ANKRD31: variants seen among roughly 807,000 people sequenced by gnomAD.
ANKRD31 encodes the protein ankyrin repeat domain-containing protein 31.
In ANKRD31, 147 loss-of-function variants were observed where a neutral mutation model predicts 186.0. The ratio of observed to expected loss-of-function variants is 0.79; its 90% CI spans 0.69 to 0.91. The LOEUF (loss-of-function observed/expected upper bound fraction) is 0.91. ANKRD31 is among the 40% of genes least tolerant of loss of function. The probability of loss-of-function intolerance (pLI) is 0.00; values close to 1 mark genes in which losing one functional copy is unlikely to be tolerated. For missense variants in ANKRD31, 1,986 were observed against 2,148.8 expected (o/e 0.92, Z 1.50); for synonymous variants, 673 against 736.4 (o/e 0.91, Z 1.39).
rs560919728 is a variant in ANKRD31, at chr5:75,091,988, T to C, written c.5332-587A>G. 2.0e-5 allele frequency among the ~76,000 whole-genome samples: 3 copies of C among 152,224 alleles called. No individual in the cohort carries two copies. The East Asian group carries it at 5.8e-4, about 29-fold the overall frequency. On this transcript the variant is annotated intron_variant, in intron 22 of 25. Coordinates refer to ENST00000506364, the MANE Select transcript of ANKRD31 (RefSeq NM_001372053.1). ...GCAAACGGAAAACACATGAAGCTAC[T>C]GCCTCCCCTCCACCGAATGCTCAGC... is the stretch of plus-strand genomic sequence containing the variant.
At chr5:75,179,414 T>C (rs1019265445) in intron 10 of ANKRD31, among the ~76,000 whole-genome samples, 2 of 152,164 alleles carry the variant, frequency 1.3e-5, no homozygotes, top group East Asian at 3.8e-4. Flanking sequence ...TGCCAAAGCC[T>C]GGCAGAGACA....
chr5:75,215,949 C>T (rs1236519454), intron 3 of ANKRD31, among the ~76,000 whole-genome samples: 1 of 151,974 alleles, frequency 6.6e-6, no homozygotes, highest in African/African-American at 2.4e-5. Context: ...AAAGAAGCAA[C>T]ATTTATCAAT....
chr5:75,092,564 G>A (rs780708286), intron 22 of ANKRD31, among the ~76,000 whole-genome samples: 1 of 152,140 alleles, frequency 6.6e-6, no homozygotes, highest in African/African-American at 2.4e-5. Flanking sequence ...CACTGAAGTG[G>A]GGACTTCACT....
chr5:75,118,340 A>T, intron 17 of ANKRD31, 43 bp from the exon 18 acceptor site: 1 of 1,340,758 alleles, frequency 7.5e-7, no homozygotes, highest in Non-Finnish European at 9.6e-7. Flanking sequence ...GACACCAAAG[A>T]TGAATAATTT....
intron 11 of ANKRD31, among the ~76,000 whole-genome samples, chr5:75,167,312 C>A (rs1421019687): frequency 2.0e-5 from 3 of 152,188 alleles, no homozygotes; most frequent in Non-Finnish European, 4.4e-5. Context: ...GAAGCTCACA[C>A]TCCCCAGGTA....
chr5:75,085,506 C>T (rs1035853325), intron 23 of ANKRD31, among the ~76,000 whole-genome samples: 4 of 151,992 alleles, frequency 2.6e-5, no homozygotes, highest in African/African-American at 9.7e-5. Flanking sequence ...CATGCCTCAG[C>T]CTCCCATGCC....
intron 23 of ANKRD31, among the ~76,000 whole-genome samples, chr5:75,090,149 C>T (rs1296928407): frequency 6.6e-6 from 1 of 152,116 alleles, no homozygotes; most frequent in African/African-American, 2.4e-5. Flanking sequence ...GGGCAAGATG[C>T]TAATTACTAA....
rs2150071901 is a variant in ANKRD31, at chr5:75,112,572, T to G, written c.4184A>C (p.Asp1395Ala). 6.6e-7 allele frequency: 1 copy of G among 1,525,354 alleles called. No individual in the cohort carries two copies. Among genetic ancestry groups the G allele is most frequent in the African/African-American group, 1.4e-5 (1 of 72,736 alleles). The allele number at this position is 1,525,354 out of a possible 1,614,324, so 94.5% of individuals were successfully genotyped here. Residue 1395 changes from aspartate to alanine, a missense_variant, in exon 20 of 26, where the codon GAT becomes GCT. Physicochemically the swap from Asp to Ala is moderately radical, Grantham distance 126. Transcript: ENST00000506364. ...VHQTLSAILQ[D>A]IEEKQEYLLE... is the part of the protein sequence containing the mutation. ...TAAATATTCTTGTTTTTCTTCTATA[T>G]CTTGTAGAATGGCACTGAGGGTCTG... is the stretch of plus-strand genomic sequence containing the variant.
At chr5:75,214,866 C>T (rs1756868526) in intron 3 of ANKRD31, among the ~76,000 whole-genome samples, 1 of 152,324 alleles carries the variant, frequency 6.6e-6, no homozygotes, top group East Asian at 1.9e-4. Context: ...TGACCAAAAA[C>T]TGACTATGAG....
chr5:75,146,941 A>G lies in ANKRD31; in HGVS notation c.2470T>C (p.Leu824=), dbSNP rs1307249651. Residue 824 remains leucine, a synonymous_variant, in exon 14 of 26, where the codon TTG becomes CTG. Coordinates refer to ENST00000506364, the MANE Select transcript of ANKRD31 (RefSeq NM_001372053.1). ...DLSDSQEVQC[L]ELESVDQTEA... ...GTTTGGTCAACAGATTCTAATTCCA[A>G]GCATTGAACTTCTTGACTATCTGAT... 6.5e-7 allele frequency: 1 copy of G among 1,536,342 alleles called. No homozygotes were observed. Among genetic ancestry groups the G allele is most frequent in the South Asian group, 1.2e-5 (1 of 84,048 alleles).
chr5:75,146,189 T>A lies in ANKRD31; in HGVS notation c.3222A>T (p.Ile1074=). Residue 1074 remains isoleucine, a synonymous_variant, in exon 14 of 26, where the codon ATA becomes ATT. Transcript: ENST00000506364. ...TGGATAAAGGCTCATTTGAATAAAT[T>A]ATTTTTTGGTCTCTGTCAATGTAAT... The part of the protein sequence containing the change: ...ERNYIDRDQK[I]IYSNEPLSIV... 6.5e-7 allele frequency: 1 copy of A among 1,535,732 alleles called. No homozygotes were observed. The highest frequency in any genetic ancestry group is 8.7e-7 in the Non-Finnish European group (1 of 1,146,142).
chr5:75,154,370 G>A, intron 11 of ANKRD31, 25 bp from the exon 12 acceptor site: 1 of 1,518,158 alleles, frequency 6.6e-7, no homozygotes, highest in Non-Finnish European at 8.8e-7. Flanking sequence ...TTTATGTAAG[G>A]GAACCCAGAT....
intron 17 of ANKRD31, among the ~76,000 whole-genome samples, chr5:75,135,041 C>G (rs1750448406): frequency 6.6e-6 from 1 of 152,136 alleles, no homozygotes. Context: ...CTATTTATGA[C>G]AAACCCACAG....
chr5:75,195,567 A>G, intron 7 of ANKRD31, 64 bp downstream of exon 7: 1 of 1,341,016 alleles, frequency 7.5e-7, no homozygotes, highest in East Asian at 2.5e-5. Context: ...TGCTTGTCCT[A>G]TAGCTCAGCT....
At chr5:75,089,303 A>C (rs1286098210) in intron 23 of ANKRD31, among the ~76,000 whole-genome samples, 1 of 152,176 alleles carries the variant, frequency 6.6e-6, no homozygotes, top group Non-Finnish European at 1.5e-5. Flanking sequence ...AAAGCTGTTC[A>C]GCAACTGCTT....
chr5:75,126,901 A>G (rs745889762), intron 17 of ANKRD31, among the ~76,000 whole-genome samples: 4 of 152,190 alleles, frequency 2.6e-5, no homozygotes, highest in Non-Finnish European at 2.9e-5. Flanking sequence ...TACTTTCTCT[A>G]TTGAATTGCC....
At chr5:75,106,894 A>T (rs1367962641) in intron 21 of ANKRD31, among the ~76,000 whole-genome samples, 13 of 152,034 alleles carry the variant, frequency 8.6e-5, no homozygotes, top group Non-Finnish European at 1.9e-4. Flanking sequence ...TGTAATAGAC[A>T]TTAAATGATT....
Position 75,138,014 on chromosome 5 carries a change from G to GAAA in ANKRD31, c.3734-19_3734-17dup, listed in dbSNP as rs5868765. 1.7e-4 allele frequency: 217 copies of GAAA among 1,262,152 alleles called. No individual in the cohort carries two copies. Among genetic ancestry groups the GAAA allele is most frequent in the South Asian group, 4.2e-4 (22 of 52,984 alleles). 78.2% of individuals were successfully genotyped at this position (1,262,152 alleles called of 1,614,324 possible). On this transcript the variant is annotated splice_polypyrimidine_tract_variant and intron_variant, in intron 16 of 25. Transcript: ENST00000506364. ...GGTGTCCAACCTAAAAAAAGAAAAA[G>GAAA]AAAAAAAAAAACCCTGCTTCATGCG...
intron 3 of ANKRD31, among the ~76,000 whole-genome samples, chr5:75,220,937 T>C (rs1393833675): frequency 6.6e-6 from 1 of 152,024 alleles, no homozygotes; most frequent in African/African-American, 2.4e-5. Flanking sequence ...CTGTCTCCAC[T>C]AAAAATACAA....
Sources: allele counts gnomAD v4.1 joint callset (sites outside exome capture counted in the v4.1 genomes callset), GRCh38; gene constraint gnomAD v4.1.1; transcripts MANE v1.5; gene names NCBI Gene and HGNC (gene_info 2026-07-23, HGNC 2026-07-21).